PTK7: variants seen among roughly 807,000 people sequenced by gnomAD.
The protein encoded by PTK7 is inactive tyrosine-protein kinase 7.
In PTK7, 39 loss-of-function variants were observed where a neutral mutation model predicts 116.6. That is an observed-to-expected ratio of 0.33 (90% CI 0.26 to 0.44). The LOEUF is 0.44. PTK7 is among the 20% of genes least tolerant of loss of function. The pLI is 1.00. For missense variants in PTK7, 1,169 were observed against 1,425.6 expected, an observed-to-expected ratio of 0.82 and a Z score of 2.90; for synonymous variants, 546 against 563.6, an observed-to-expected ratio of 0.97 and a Z score of 0.44.
intron 17 of PTK7, among the ~76,000 whole-genome samples, chr6:43,148,112 G>A (rs199790703): frequency 3.1e-4 from 47 of 152,260 alleles, no homozygotes; most frequent in East Asian, 1.2e-3. Flanking sequence ...AAAGTTAACC[G>A]GGCGTGGGGG....
chr6:43,126,526 A>G (rs148958083), intron 1 of PTK7, among the ~76,000 whole-genome samples: 1 of 152,214 alleles, frequency 6.6e-6, no homozygotes, highest in Non-Finnish European at 1.5e-5. Context: ...ATTGTCTGCA[A>G]GAGGTGTGTC....
At chr6:43,095,800 A>G (rs1301470233) in intron 1 of PTK7, among the ~76,000 whole-genome samples, 1 of 152,196 alleles carries the variant, frequency 6.6e-6, no homozygotes, top group East Asian at 1.9e-4. Flanking sequence ...TTTTGATGCA[A>G]TACAACTTAT....
In PTK7 at chr6:43,143,631, C is replaced by T; in HGVS notation, c.2251+11C>T. 1 of 1,608,416 alleles carries T rather than the reference C, an allele frequency of 6.2e-7. No homozygotes were observed. Among genetic ancestry groups the T allele is most frequent in the Non-Finnish European group, 8.5e-7 (1 of 1,178,574 alleles). ...TGGAATGCCTCAACGGTGAGGGGCC[C>T]TGGACGGGGAGGTGGTGCCCGTGTG... is the stretch of plus-strand genomic sequence containing the variant. On this transcript the variant is annotated intron_variant, in intron 14 of 19. Coordinates refer to ENST00000230419, the MANE Select transcript of PTK7 (RefSeq NM_002821.5). The surrounding 1 kb of genome is among the most constrained non-coding windows in gnomAD (Gnocchi z 4.2).
At chr6:43,156,145 C>T (rs1170714753) in intron 17 of PTK7, among the ~76,000 whole-genome samples, 1 of 141,422 alleles carries the variant, frequency 7.1e-6, no homozygotes, top group Non-Finnish European at 1.5e-5. Context: ...ACGAGAGTCA[C>T]TGGAACTTGG....
At chr6:43,160,624 C>T in intron 19 of PTK7, 97 bp from the exon 20 acceptor site, 1 of 1,496,222 alleles carries the variant, frequency 6.7e-7, no homozygotes, top group Non-Finnish European at 9.1e-7. Flanking sequence ...CCAGAGGCAT[C>T]CTTGGGTGGC....
intron 17 of PTK7, among the ~76,000 whole-genome samples, chr6:43,153,505 G>A (rs1771249420): frequency 1.3e-5 from 2 of 151,940 alleles, no homozygotes; most frequent in Admixed American, 1.3e-4. Flanking sequence ...GACCTGTGGA[G>A]CTCAAGTGAT....
intron 1 of PTK7, among the ~76,000 whole-genome samples, chr6:43,121,625 AC>A (rs1768969102): frequency 6.6e-6 from 1 of 152,046 alleles, no homozygotes; most frequent in Non-Finnish European, 1.5e-5. Flanking sequence ...TGACTTCTGA[AC>A]CCTTATGCTC....
Position 43,139,048 on chromosome 6 carries a change from C to T in PTK7, c.1362+66C>T, listed in dbSNP as rs1038196539. The T allele has an allele frequency of 1.9e-6, 3 of 1,607,256 alleles. No individual in the cohort carries two copies. Among genetic ancestry groups the T allele is most frequent in the South Asian group, 1.1e-5 (1 of 90,404 alleles). Reference sequence around the variant, plus strand: ...CCCTCCACTTGCCCTCTTCTGTGCTCACCTCCATAGCACTCTTACCCTGGA... The same window carrying T: ...CCCTCCACTTGCCCTCTTCTGTGCTTACCTCCATAGCACTCTTACCCTGGA... On this transcript the variant is annotated intron_variant, in intron 8 of 19. Coordinates refer to ENST00000230419, the MANE Select transcript of PTK7 (RefSeq NM_002821.5). This position sits in a 1 kb window ranked among gnomAD's most constrained non-coding sequence, Gnocchi z 4.6.
In PTK7 at chr6:43,132,240, G is replaced by A. The variant is rs1304223923; in HGVS notation, c.961+76G>A. 11 of 1,531,236 alleles carry A rather than the reference G, an allele frequency of 7.2e-6. No individual in the cohort carries two copies. In the East Asian group the frequency reaches 2.3e-4, roughly 32 times the overall value. The allele number at this position is 1,531,236 out of a possible 1,614,324, so 94.9% of individuals were successfully genotyped here. A position where few individuals can be genotyped will look rare whatever the true frequency, so the allele number is the denominator to read the frequency against. On this transcript the variant is annotated intron_variant, in intron 6 of 19. Coordinates refer to ENST00000230419, the MANE Select transcript of PTK7 (RefSeq NM_002821.5). ...TTGGCACATAGAGATTTAGGCTTCT[G>A]TTTTTACTCAGCCGCTTGGAGGGCA...
chr6:43,155,789 A>G (rs1771391100), intron 17 of PTK7, among the ~76,000 whole-genome samples: 1 of 152,226 alleles, frequency 6.6e-6, no homozygotes, highest in African/African-American at 2.4e-5. Context: ...AGAGTTGGGC[A>G]TTATTTTGTA....
intron 17 of PTK7, among the ~76,000 whole-genome samples, chr6:43,150,469 A>T (rs1408885383): frequency 1.3e-5 from 2 of 152,166 alleles, no homozygotes; most frequent in Non-Finnish European, 2.9e-5. Context: ...CTCTGGAAAG[A>T]TAGCAAGTCA....
At chr6:43,160,156 C>T (rs1771764079) in intron 19 of PTK7, among the ~76,000 whole-genome samples, 190 bp downstream of exon 19, 1 of 152,204 alleles carries the variant, frequency 6.6e-6, no homozygotes, top group African/African-American at 2.4e-5. Context: ...CGCCCTGTCG[C>T]CCAGACTGGA....
intron 18 of PTK7, 124 bp from the exon 19 acceptor site, chr6:43,159,664 T>C: frequency 1.0e-6 from 1 of 968,802 alleles, no homozygotes. Flanking sequence ...ACCAATTTCT[T>C]GATGTCTGTA....
rs761988485 is a variant in PTK7 at position 43,143,461 on chromosome 6, C to G, written c.2092C>G (p.Pro698Ala). The G allele has an allele frequency of 3.7e-6, 6 of 1,613,954 alleles. No individual in the cohort carries two copies. The highest frequency in any genetic ancestry group is 3.3e-4 in the Middle Eastern group (2 of 6,080). ...EESEGPGSPP[P>A]YKMIQTIGLS... ...GTCGGAGGGCCCTGGCAGCCCTCCCCCCTACAAGATGATCCAGACCATTGG... is the reference window on the plus strand; with the variant it reads ...GTCGGAGGGCCCTGGCAGCCCTCCCGCCTACAAGATGATCCAGACCATTGG... The change falls in exon 14 of 20, where the codon CCC (proline) becomes GCC (alanine). Residue 698 changes from proline to alanine, a missense_variant. Transcript: ENST00000230419. The surrounding 1 kb of genome is among the most constrained non-coding windows in gnomAD (Gnocchi z 4.2).
rs1231815574 is a variant in PTK7 at position 43,141,255 on chromosome 6, T to C, written c.1619-413T>C. Reference sequence around the variant, plus strand: ...CACCTAGAGTGAGAGAGTACAGTTGTAGATTCTGAGGAGGAAGTAGGCTCC... The same window carrying C: ...CACCTAGAGTGAGAGAGTACAGTTGCAGATTCTGAGGAGGAAGTAGGCTCC... On this transcript the variant is annotated intron_variant, in intron 10 of 19. Coordinates refer to ENST00000230419, the MANE Select transcript of PTK7 (RefSeq NM_002821.5). The surrounding 1 kb of genome is among the most constrained non-coding windows in gnomAD (Gnocchi z 4.9). 6.6e-6 allele frequency among the ~76,000 whole-genome samples: 1 copy of C among 152,184 alleles called. No individual in the cohort carries two copies. Among genetic ancestry groups the C allele is most frequent in the East Asian group, 1.9e-4 (1 of 5,202 alleles).
intron 1 of PTK7, among the ~76,000 whole-genome samples, chr6:43,121,392 G>T (rs545807083): frequency 1.3e-5 from 2 of 152,294 alleles, no homozygotes; most frequent in East Asian, 3.9e-4. Flanking sequence ...TCTGGATGTG[G>T]GAACCTCTCC....
chr6:43,077,666 C>T (rs1206160689), intron 1 of PTK7, among the ~76,000 whole-genome samples: 1 of 152,206 alleles, frequency 6.6e-6, no homozygotes, highest in East Asian at 1.9e-4. Flanking sequence ...GCAGCTTTCT[C>T]TTGGGGAGCT....
At chr6:43,116,050 C>G (rs1486778498) in intron 1 of PTK7, among the ~76,000 whole-genome samples, 1 of 152,024 alleles carries the variant, frequency 6.6e-6, no homozygotes, top group Non-Finnish European at 1.5e-5. Context: ...CTTCTAAGCA[C>G]CCTCCAGCCC....
At chr6:43,079,297 C>T (rs112248343) in intron 1 of PTK7, among the ~76,000 whole-genome samples, 2 of 152,060 alleles carry the variant, frequency 1.3e-5, no homozygotes, top group Non-Finnish European at 2.9e-5. Flanking sequence ...GAAACCCTGT[C>T]TCTACTAAAA....
Sources: allele counts gnomAD v4.1 joint callset (sites outside exome capture counted in the v4.1 genomes callset), GRCh38; gene constraint gnomAD v4.1.1; non-coding constraint Gnocchi (gnomAD v3.1); transcripts MANE v1.5; gene names NCBI Gene and HGNC (gene_info 2026-07-23, HGNC 2026-07-21).